CDKL2: variants seen among roughly 807,000 people sequenced by gnomAD.
CDKL2 encodes cyclin dependent kinase like 2, also known as cyclin-dependent kinase-like 2.
CDKL2 carries 64 observed loss-of-function variants against 63.9 expected under a neutral mutation model. That is an observed-to-expected ratio of 1.00 (90% CI 0.82 to 1.23). The LOEUF is 1.23. Among genes scored for constraint, CDKL2 ranks in the 50% most tolerant of loss-of-function variants. The probability of loss-of-function intolerance (pLI) is 0.00; values close to 1 mark genes in which losing one functional copy is unlikely to be tolerated. For missense variants in CDKL2, 656 were observed against 668.0 expected, an observed-to-expected ratio of 0.98 and a Z score of 0.20; for synonymous variants, 211 against 229.2, an observed-to-expected ratio of 0.92 and a Z score of 0.72.
intron 9 of CDKL2, 72 bp from the exon 10 acceptor site, chr4:75,596,412 G>T: frequency 1.2e-6 from 1 of 861,598 alleles, no homozygotes; most frequent in Non-Finnish European, 2.0e-6. Flanking sequence ...AAAACTAAAT[G>T]ACACAGCACC....
rs576327127 is a variant in CDKL2, at chr4:75,603,558, G to A, written c.795+259C>T. 6.0e-5 allele frequency among the ~76,000 whole-genome samples: 9 copies of A among 150,474 alleles called. No homozygotes were observed. In the South Asian group the frequency reaches 6.3e-4, roughly 11 times the overall value. ...ATCCTGGCTAACACAGTGAAACCCC[G>A]TTTCTACTAAAAATACAAAAAATTA... On this transcript the variant is annotated intron_variant, in intron 6 of 13. Coordinates refer to ENST00000307465, the MANE Select transcript of CDKL2 (RefSeq NM_001330724.2).
chr4:75,603,533 A>G (rs1485224569), intron 6 of CDKL2, among the ~76,000 whole-genome samples: 1 of 150,694 alleles, frequency 6.6e-6, no homozygotes, highest in Non-Finnish European at 1.5e-5. Flanking sequence ...GATTGAGACC[A>G]TCCTGGCTAA....
At position 75,596,213 on chromosome 4, in the gene CDKL2, T is replaced by C. The variant is rs188463194; in HGVS notation, c.1416+34A>G. ...AATAAAAGTCTAGAGCTGACTGGTG[T>C]TTGCTCTTCTACTACTGAGAACTGC... is the stretch of plus-strand genomic sequence containing the variant. On this transcript the variant is annotated intron_variant, in intron 10 of 13. Transcript: ENST00000307465. 1.6e-4 allele frequency: 196 copies of C among 1,227,480 alleles called. 1 individual carries two copies. In the African/African-American group the frequency reaches 2.4e-3, roughly 15 times the overall value. 76.0% of individuals were successfully genotyped at this position (1,227,480 alleles called of 1,614,324 possible).
chr4:75,619,604 C>T (rs1329587540), intron 2 of CDKL2, among the ~76,000 whole-genome samples: 1 of 107,684 alleles, frequency 9.3e-6, no homozygotes, highest in Non-Finnish European at 2.1e-5. Flanking sequence ...AAAAAAAAAG[C>T]ACACCAGAAG....
chr4:75,594,942 A>G (rs1030896765), intron 10 of CDKL2, among the ~76,000 whole-genome samples: 6 of 152,128 alleles, frequency 3.9e-5, no homozygotes, highest in African/African-American at 1.4e-4. Flanking sequence ...CAGTGATAAG[A>G]AGCTAATGGA....
intron 12 of CDKL2, among the ~76,000 whole-genome samples, chr4:75,585,392 C>G (rs1287523671): frequency 6.6e-6 from 1 of 151,920 alleles, no homozygotes; most frequent in Admixed American, 6.6e-5. Flanking sequence ...CACAGCAAGG[C>G]CAGCCACAAC....
chr4:75,594,164 T>C (rs545719256), intron 10 of CDKL2, among the ~76,000 whole-genome samples: 11 of 152,304 alleles, frequency 7.2e-5, no homozygotes, highest in African/African-American at 2.6e-4. Flanking sequence ...TTTTAAATTT[T>C]AGGCCAGCCC....
intron 7 of CDKL2, among the ~76,000 whole-genome samples, chr4:75,598,595 A>G (rs1450102174): frequency 2.0e-5 from 3 of 151,580 alleles, no homozygotes; most frequent in Admixed American, 2.0e-4. Context: ...TTTTTTTTAA[A>G]AAAAAAAAAG....
At chr4:75,595,030 T>C (rs1728855823) in intron 10 of CDKL2, among the ~76,000 whole-genome samples, 1 of 152,136 alleles carries the variant, frequency 6.6e-6, no homozygotes, top group African/African-American at 2.4e-5. Flanking sequence ...CTGAGAATAA[T>C]AATGGTCCTT....
chr4:75,620,610 C>T (rs1560593622), intron 2 of CDKL2, among the ~76,000 whole-genome samples: 1 of 152,070 alleles, frequency 6.6e-6, no homozygotes, highest in Non-Finnish European at 1.5e-5. Flanking sequence ...GTAAAAAATA[C>T]CTGGGCTAGG....
rs1011859755 is a variant in CDKL2, at chr4:75,613,594, A to G, written c.363+661T>C. Among the ~76,000 whole-genome samples the G allele has an allele frequency of 2.0e-5, 3 of 152,210 alleles. No individual in the cohort carries two copies. The East Asian group carries it at 5.8e-4, about 29-fold the overall frequency. ...TATGATACTCAAAGTATATAAAATTATTGTGATAGACTACAGGGTAAGGGT... is the reference window on the plus strand; with the variant it reads ...TATGATACTCAAAGTATATAAAATTGTTGTGATAGACTACAGGGTAAGGGT... On this transcript the variant is annotated intron_variant, in intron 3 of 13. Transcript: ENST00000307465.
intron 1 of CDKL2, 81 bp from the exon 2 acceptor site, chr4:75,626,098 C>T: frequency 2.3e-6 from 2 of 872,250 alleles, no homozygotes; most frequent in Non-Finnish European, 3.7e-6. Flanking sequence ...TTCTTCCCTG[C>T]TTGTTTTCCA....
rs71203834 is a variant in CDKL2, at chr4:75,611,458, CAAAAAA to C, written c.363+2791_363+2796del. ...TGGGTGACAGAGTGAGATTCTGTCT[CAAAAAA>C]AAAAAAAAAAAAAAAAGAGTAAATG... On this transcript the variant is annotated intron_variant, in intron 3 of 13. Coordinates refer to ENST00000307465, the MANE Select transcript of CDKL2 (RefSeq NM_001330724.2). Among the ~76,000 whole-genome samples, 5 of 76,728 alleles carry C rather than the reference CAAAAAA, an allele frequency of 6.5e-5. No homozygotes were observed. In the East Asian group the frequency reaches 2.4e-3, roughly 37 times the overall value. The allele number at this position is 76,728 out of a possible 152,430, so 50.3% of individuals were successfully genotyped here. A position where few individuals can be genotyped will look rare whatever the true frequency, so the allele number is the denominator to read the frequency against.
intron 2 of CDKL2, among the ~76,000 whole-genome samples, chr4:75,615,713 C>T (rs191886637): frequency 6.6e-6 from 1 of 152,308 alleles, no homozygotes; most frequent in Admixed American, 6.5e-5. Context: ...TATATATACA[C>T]CAGGTGCAGT....
At chr4:75,594,700 A>G (rs914967808) in intron 10 of CDKL2, among the ~76,000 whole-genome samples, 8 of 152,206 alleles carry the variant, frequency 5.3e-5, no homozygotes, top group Admixed American at 5.2e-4. Flanking sequence ...AGCTAAGAAG[A>G]GAAAAAGCAA....
chr4:75,629,742 C>A (rs1362332033), intron 1 of CDKL2, among the ~76,000 whole-genome samples: 1 of 151,936 alleles, frequency 6.6e-6, no homozygotes, highest in African/African-American at 2.4e-5. Flanking sequence ...GAGTTCGAGA[C>A]CAGCCTAACC....
chr4:75,589,599 C>T lies in CDKL2; in HGVS notation c.1647+2220G>A, dbSNP rs930653328. Among the ~76,000 whole-genome samples the T allele has an allele frequency of 2.0e-4, 31 of 152,172 alleles. No homozygotes were observed. The South Asian group carries it at 2.3e-3, about 11-fold the overall frequency. On this transcript the variant is annotated intron_variant, in intron 12 of 13. Coordinates refer to ENST00000307465, the MANE Select transcript of CDKL2 (RefSeq NM_001330724.2). ...GATTACAGGCGTGAGCCACCGCGCC[C>T]GGCCGATAGTTTCTTATAAACATAT...
intron 1 of CDKL2, among the ~76,000 whole-genome samples, chr4:75,628,424 T>C (rs369505604): frequency 1.7e-4 from 26 of 152,270 alleles, no homozygotes; most frequent in African/African-American, 6.0e-4. Context: ...CTTGAAATTT[T>C]TTACTCATAT....
intron 2 of CDKL2, among the ~76,000 whole-genome samples, chr4:75,616,423 G>T (rs760143755): frequency 4.6e-4 from 70 of 152,134 alleles, no homozygotes; most frequent in Admixed American, 9.8e-4. Flanking sequence ...AGCACTTTGG[G>T]AGGCTGAGGC....
Sources: gnomAD v4.1 joint callset for allele counts (sites outside exome capture counted in the v4.1 genomes callset) on GRCh38, gnomAD v4.1.1 for gene constraint, MANE v1.5 for transcripts, NCBI Gene and HGNC (gene_info 2026-07-23, HGNC 2026-07-21) for gene names.